Variants in MYH14 observed in about 807,000 individuals in gnomAD.
MYH14 encodes the protein myosin heavy chain 14.
A neutral mutation model predicts 255.5 loss-of-function variants in MYH14; 123 were observed. The ratio of observed to expected loss-of-function variants is 0.48; its 90% CI spans 0.42 to 0.56. The LOEUF is 0.56. MYH14 is among the 20% of genes least tolerant of loss of function. The pLI, the probability that MYH14 is intolerant of heterozygous loss-of-function variation, is 0.00. For missense variants in MYH14, 2,423 were observed against 2,802.3 expected (o/e 0.86, Z 3.06); for synonymous variants, 1,095 against 1,161.2 (o/e 0.94, Z 1.16).
At chr19:50,211,279 A>G (rs1034104796) in intron 2 of MYH14, among the ~76,000 whole-genome samples, 1 of 152,116 alleles carries the variant, frequency 6.6e-6, no homozygotes, top group Non-Finnish European at 1.5e-5. Flanking sequence ...GGCTGCAGTG[A>G]GCTATGATGA....
At chr19:50,231,737 A>AGAGG (rs1166162635) in intron 9 of MYH14, among the ~76,000 whole-genome samples, 193 bp from the exon 10 acceptor site, 4 of 135,724 alleles carry the variant, frequency 2.9e-5, no homozygotes, top group African/African-American at 8.1e-5. Flanking sequence ...AAAAAAATAG[A>AGAGG]GACAGAGTGG....
At chr19:50,304,004 T>C (rs1167457236) in intron 40 of MYH14, among the ~76,000 whole-genome samples, 1 of 152,230 alleles carries the variant, frequency 6.6e-6, no homozygotes, top group Non-Finnish European at 1.5e-5. Flanking sequence ...TCAGCAACAA[T>C]AATTACAACA....
intron 34 of MYH14, 28 bp from the exon 35 acceptor site, chr19:50,289,408 G>A: frequency 6.3e-7 from 1 of 1,579,244 alleles, no homozygotes; most frequent in South Asian, 1.2e-5. Flanking sequence ...CAGTGACCCA[G>A]GTACCCAGCA....
In MYH14 at chr19:50,224,293, AC is replaced by A. The variant is rs1442802873; in HGVS notation, c.717+120del. 12 of 1,385,740 alleles carry A rather than the reference AC, an allele frequency of 8.7e-6. No individual in the cohort carries two copies. In the East Asian group the frequency reaches 1.1e-4, roughly 13 times the overall value. The allele number at this position is 1,385,740 out of a possible 1,614,324, so 85.8% of individuals were successfully genotyped here. A position where few individuals can be genotyped will look rare whatever the true frequency, so the allele number is the denominator to read the frequency against. On this transcript the variant is annotated intron_variant, in intron 6 of 42. Coordinates refer to ENST00000642316, the MANE Select transcript of MYH14 (RefSeq NM_001145809.2). ...GCAGCAGTGGTCCCACCTGCCAGGGACCCCTCTGCCCCACCACTGCTATTCA... is the reference window on the plus strand; with the variant it reads ...GCAGCAGTGGTCCCACCTGCCAGGGACCCTCTGCCCCACCACTGCTATTCA...
chr19:50,276,974 ACCG>A lies in MYH14; in HGVS notation c.3825+75_3825+77del. On this transcript the variant is annotated intron_variant, in intron 29 of 42. Coordinates refer to ENST00000642316, the MANE Select transcript of MYH14 (RefSeq NM_001145809.2). This position sits in a 1 kb window ranked among gnomAD's most constrained non-coding sequence, Gnocchi z 4.3. ...GGCAGGACGCGGGGTTGGAGGAGGTACCGCTGGCTGGTTCTAGGCTAGCTCATC... is the reference window on the plus strand; with the variant it reads ...GGCAGGACGCGGGGTTGGAGGAGGTACTGGCTGGTTCTAGGCTAGCTCATC... 1 of 1,236,542 alleles carries A rather than the reference ACCG, an allele frequency of 8.1e-7. No homozygotes were observed. The highest frequency in any genetic ancestry group is 1.1e-6 in the Non-Finnish European group (1 of 880,766). The allele number at this position is 1,236,542 out of a possible 1,614,324, so 76.6% of individuals were successfully genotyped here.
At chr19:50,269,530 C>G (rs998584806) in intron 24 of MYH14, among the ~76,000 whole-genome samples, 3 of 152,134 alleles carry the variant, frequency 2.0e-5, no homozygotes, top group Non-Finnish European at 4.4e-5. Context: ...GAGGGAGGGA[C>G]CCTACCCTAG....
intron 22 of MYH14, among the ~76,000 whole-genome samples, 183 bp downstream of exon 22, chr19:50,263,603 C>G (rs1336301333): frequency 6.6e-6 from 1 of 152,146 alleles, no homozygotes; most frequent in Non-Finnish European, 1.5e-5. Context: ...AAATCTGACT[C>G]GAACCAACAT....
chr19:50,302,180 A>C (rs1045764651), intron 40 of MYH14, among the ~76,000 whole-genome samples: 5 of 150,350 alleles, frequency 3.3e-5, no homozygotes, highest in African/African-American at 1.2e-4. Flanking sequence ...GCTGCTCAAG[A>C]GCCTGAGATA....
intron 5 of MYH14, among the ~76,000 whole-genome samples, chr19:50,223,725 C>A (rs949448186): frequency 6.6e-6 from 1 of 152,166 alleles, no homozygotes; most frequent in Non-Finnish European, 1.5e-5. Flanking sequence ...ACTTACCCCT[C>A]GGGTGGGGTG....
At position 50,249,522 on chromosome 19, in the gene MYH14, TC is replaced by T. The variant is rs200272563; in HGVS notation, c.1483-123del. 1.3e-5 allele frequency: 10 copies of T among 774,622 alleles called. No homozygotes were observed. The African/African-American group carries it at 1.8e-4, about 14-fold the overall frequency. 48.0% of individuals were successfully genotyped at this position (774,622 alleles called of 1,614,324 possible). On this transcript the variant is annotated intron_variant, in intron 13 of 42. Transcript: ENST00000642316. Reference sequence around the variant, plus strand: ...CTGTCCCCCTCTCTCTGGGTCTCTGTCCCCCTCTCTCTGGGTCTCTGTCCCC... The same window carrying T: ...CTGTCCCCCTCTCTCTGGGTCTCTGTCCCCTCTCTCTGGGTCTCTGTCCCC...
At chr19:50,229,708 G>A (rs1327404471) in intron 8 of MYH14, among the ~76,000 whole-genome samples, 1 of 152,148 alleles carries the variant, frequency 6.6e-6, no homozygotes, top group East Asian at 1.9e-4. Context: ...AGTTTGACAC[G>A]TGACTTTCTT....
intron 39 of MYH14, among the ~76,000 whole-genome samples, chr19:50,294,115 T>G (rs1275557174): frequency 6.6e-6 from 1 of 152,222 alleles, no homozygotes; most frequent in Non-Finnish European, 1.5e-5. Flanking sequence ...GTGGCCCAGA[T>G]CCTATTCCGG....
intron 1 of MYH14, among the ~76,000 whole-genome samples, chr19:50,208,571 C>A (rs2123147089): frequency 6.6e-6 from 1 of 152,210 alleles, no homozygotes; most frequent in East Asian, 1.9e-4. Context: ...CATTTTTAAT[C>A]TTTTTATCTG....
intron 40 of MYH14, among the ~76,000 whole-genome samples, chr19:50,303,427 T>C (rs911411150): frequency 6.6e-5 from 10 of 152,158 alleles, no homozygotes; most frequent in Non-Finnish European, 1.5e-4. Flanking sequence ...CAAGGGAAAG[T>C]GCTAAAGACT....
At chr19:50,233,327 G>A (rs541003350) in intron 10 of MYH14, among the ~76,000 whole-genome samples, 6 of 151,890 alleles carry the variant, frequency 4.0e-5, no homozygotes, top group South Asian at 2.1e-4. Flanking sequence ...CCGCCACCTC[G>A]CCTGGATAAT....
chr19:50,281,647 G>A lies in MYH14; in HGVS notation c.4344G>A (p.Gly1448=). 7 of 1,607,978 alleles carry A rather than the reference G, an allele frequency of 4.4e-6. No homozygotes were observed. Among genetic ancestry groups the A allele is most frequent in the Non-Finnish European group, 5.9e-6 (7 of 1,177,446 alleles). ...AGGAGGCAGGGGCACTGGAGGCAGGGGAGGAGGCACGGCGCCGGGCAGCCC... is the reference window on the plus strand; with the variant it reads ...AGGAGGCAGGGGCACTGGAGGCAGGAGAGGAGGCACGGCGCCGGGCAGCCC... The part of the protein sequence containing the change: ...QEEEAGALEA[G]EEARRRAARE... The change falls in exon 33 of 43, where the codon GGG becomes GGA. Residue 1448 remains glycine, a synonymous_variant. Transcript: ENST00000642316.
Position 50,293,516 on chromosome 19 carries a change from C to T in MYH14, c.5346-48C>T. The T allele has an allele frequency of 2.5e-6, 4 of 1,607,304 alleles. No individual in the cohort carries two copies. The highest frequency in any genetic ancestry group is 2.2e-5 in the South Asian group (2 of 89,820). On this transcript the variant is annotated intron_variant, in intron 38 of 42. Coordinates refer to ENST00000642316, the MANE Select transcript of MYH14 (RefSeq NM_001145809.2). This position sits in a 1 kb window ranked among gnomAD's most constrained non-coding sequence, Gnocchi z 4.1. Reference sequence around the variant, plus strand: ...CCTGTAGTGTGAGGCAAGGCACCCTCCTCTGACCATCCTGTCCTTTCATCC... The same window carrying T: ...CCTGTAGTGTGAGGCAAGGCACCCTTCTCTGACCATCCTGTCCTTTCATCC...
In MYH14 at chr19:50,267,025, A is replaced by C; in HGVS notation, c.2826+17A>C. 6.7e-6 allele frequency: 6 copies of C among 893,806 alleles called. No homozygotes were observed. Among genetic ancestry groups the C allele is most frequent in the South Asian group, 2.4e-5 (1 of 41,718 alleles). The allele number at this position is 893,806 out of a possible 1,614,324, so 55.4% of individuals were successfully genotyped here. On this transcript the variant is annotated intron_variant, in intron 23 of 42. Coordinates refer to ENST00000642316, the MANE Select transcript of MYH14 (RefSeq NM_001145809.2). ...GTGGCACAGGTGAGGGGGCGGGGGCAGGGCGTGGGGGCGTGTCTTCGGGGT... is the reference window on the plus strand; with the variant it reads ...GTGGCACAGGTGAGGGGGCGGGGGCCGGGCGTGGGGGCGTGTCTTCGGGGT...
intron 11 of MYH14, 75 bp downstream of exon 11, chr19:50,244,412 C>G: frequency 8.8e-7 from 1 of 1,142,112 alleles, no homozygotes; most frequent in East Asian, 2.4e-5. Flanking sequence ...GCACCCCTGT[C>G]CCACGTAGAG....
Sources: gnomAD v4.1 joint callset for allele counts (sites outside exome capture counted in the v4.1 genomes callset) on GRCh38, gnomAD v4.1.1 for gene constraint, Gnocchi (gnomAD v3.1) non-coding constraint, MANE v1.5 for transcripts, NCBI Gene and HGNC (gene_info 2026-07-23, HGNC 2026-07-21) for gene names.